The following GRHL1 variants were observed in gnomAD, a reference collection of about 807,000 sequenced individuals.
GRHL1 encodes the protein grainyhead-like protein 1 homolog.
A neutral mutation model predicts 75.7 loss-of-function variants in GRHL1; 38 were observed. The observed-to-expected ratio is 0.50, with a 90% CI of 0.39 to 0.66. The LOEUF (loss-of-function observed/expected upper bound fraction) is 0.66, where lower values mean the gene tolerates loss of function less well. Among genes scored for constraint, GRHL1 ranks in the 30% least tolerant of loss-of-function variants. The probability of loss-of-function intolerance (pLI) is 0.00; values close to 1 mark genes in which losing one functional copy is unlikely to be tolerated. For missense variants in GRHL1, 589 were observed against 767.5 expected, an observed-to-expected ratio of 0.77 and a Z score of 2.75; for synonymous variants, 266 against 279.4, an observed-to-expected ratio of 0.95 and a Z score of 0.48.
At chr2:9,977,740 C>T (rs11902236) in intron 8 of GRHL1, among the ~76,000 whole-genome samples, 54,129 of 152,044 alleles carry the variant, frequency 0.36, 11,825 homozygotes, top group African/African-American at 0.61. Context: ...TCTCACTCCG[C>T]CCTCCGTGTC....
At chr2:9,971,092 G>A (rs571871831) in intron 8 of GRHL1, among the ~76,000 whole-genome samples, 1 of 151,976 alleles carries the variant, frequency 6.6e-6, no homozygotes, top group Non-Finnish European at 1.5e-5. Flanking sequence ...TGGGATGCAG[G>A]TTTATGAGTT....
chr2:9,983,735 T>C (rs1668297466), intron 8 of GRHL1, among the ~76,000 whole-genome samples: 1 of 151,840 alleles, frequency 6.6e-6, no homozygotes, highest in Non-Finnish European at 1.5e-5. Context: ...AATTGAAAAA[T>C]ATATGGTGGT....
chr2:9,984,602 T>C (rs1254263012), intron 8 of GRHL1, among the ~76,000 whole-genome samples: 1 of 151,554 alleles, frequency 6.6e-6, no homozygotes, highest in Non-Finnish European at 1.5e-5. Context: ...ATAACTGATT[T>C]GGAGCCCAGG....
At position 9,996,325 on chromosome 2, in the gene GRHL1, A is replaced by C. The variant is rs775268142; in HGVS notation, c.1601A>C (p.Tyr534Ser). 1.2e-6 allele frequency: 2 copies of C among 1,610,044 alleles called. No homozygotes were observed. The highest frequency in any genetic ancestry group is 1.7e-6 in the Non-Finnish European group (2 of 1,176,554). Residue 534 changes from tyrosine (Y) to serine (S), a missense_variant, in exon 14 of 16, where the codon TAC (tyrosine) becomes TCC (serine). This residue lies in a region of GRHL1 where 192 missense variants were observed against 226.6 expected (regional missense o/e 0.85). Coordinates refer to ENST00000324907, the MANE Select transcript of GRHL1 (RefSeq NM_198182.3). ...RIEEPKRVLL[Y>S]VRKESEEVFD... Reference sequence around the variant, plus strand: ...GTTGGGGATTGATTAGTGCTGCTCTACGTTCGAAAGGAGTCAGAAGAAGTC... The same window carrying C: ...GTTGGGGATTGATTAGTGCTGCTCTCCGTTCGAAAGGAGTCAGAAGAAGTC...
At chr2:9,999,146 T>C (rs1669156344) in intron 15 of GRHL1, 117 bp downstream of exon 15, 2 of 350,028 alleles carry the variant, frequency 5.7e-6, no homozygotes, top group South Asian at 1.2e-4. Flanking sequence ...ACACCGTGCA[T>C]GCTAGTGACA....
At chr2:9,988,431 C>T (rs1668514047) in intron 9 of GRHL1, among the ~76,000 whole-genome samples, 1 of 152,190 alleles carries the variant, frequency 6.6e-6, no homozygotes, top group Admixed American at 6.5e-5. Context: ...GAGTTTCGGG[C>T]ACTGTTTCTC....
At chr2:9,975,649 G>A (rs1157883636) in intron 8 of GRHL1, among the ~76,000 whole-genome samples, 5 of 151,980 alleles carry the variant, frequency 3.3e-5, no homozygotes, top group East Asian at 1.9e-4. Context: ...AGGCCGAGAC[G>A]GGTGTATCAC....
chr2:9,988,327 G>GT (rs201289380), intron 9 of GRHL1, among the ~76,000 whole-genome samples: 4,004 of 152,300 alleles, frequency 0.026, 171 homozygotes, highest in African/African-American at 0.091. Context: ...CTCATTACAA[G>GT]TTTTCTCACA....
chr2:9,985,467 A>G (rs1182966786), intron 8 of GRHL1, among the ~76,000 whole-genome samples: 3 of 152,210 alleles, frequency 2.0e-5, no homozygotes, highest in Non-Finnish European at 4.4e-5. Context: ...ATATTTCCAT[A>G]CCTAGAAAGG....
intron 1 of GRHL1, among the ~76,000 whole-genome samples, chr2:9,954,605 G>A (rs1403814111): frequency 6.6e-6 from 1 of 152,098 alleles, no homozygotes. Context: ...GTTTGTTTAT[G>A]GAAAGTATTT....
intron 1 of GRHL1, among the ~76,000 whole-genome samples, chr2:9,953,224 T>G (rs1210590223): frequency 6.6e-6 from 1 of 152,202 alleles, no homozygotes; most frequent in South Asian, 2.1e-4. Context: ...ATTTGGGATG[T>G]GGGTGGGAGA....
chr2:9,972,915 GGCTCC>G (rs1667791031), intron 8 of GRHL1, among the ~76,000 whole-genome samples: 1 of 151,728 alleles, frequency 6.6e-6, no homozygotes, highest in African/African-American at 2.4e-5. Context: ...CTTTTTCCCT[GGCTCC>G]CTGCACTCCA....
At chr2:9,961,874 G>A (rs1044904773) in intron 4 of GRHL1, among the ~76,000 whole-genome samples, 3 of 152,138 alleles carry the variant, frequency 2.0e-5, no homozygotes, top group Non-Finnish European at 4.4e-5. Context: ...AATGCATTGT[G>A]TGAGGTTTAC....
At chr2:9,975,630 C>T (rs893093180) in intron 8 of GRHL1, among the ~76,000 whole-genome samples, 5 of 152,002 alleles carry the variant, frequency 3.3e-5, no homozygotes, top group Middle Eastern at 3.4e-3. Flanking sequence ...GTAATCCCAG[C>T]GCTTTGGGAG....
intron 6 of GRHL1, 61 bp downstream of exon 6, chr2:9,964,103 T>C: frequency 6.6e-7 from 1 of 1,512,982 alleles, no homozygotes; most frequent in Non-Finnish European, 9.1e-7. Context: ...CATTTCCAGG[T>C]CTGAAGCAGC....
intron 14 of GRHL1, among the ~76,000 whole-genome samples, chr2:9,997,829 AAAC>A (rs1034188406): frequency 3.3e-5 from 5 of 152,024 alleles, no homozygotes; most frequent in African/African-American, 7.2e-5. Flanking sequence ...AAAAAAAAAA[AAAC>A]AACAAAAAAC....
At chr2:9,998,326 C>A (rs534008207) in intron 14 of GRHL1, among the ~76,000 whole-genome samples, 1 of 150,940 alleles carries the variant, frequency 6.6e-6, no homozygotes, top group African/African-American at 2.4e-5. Flanking sequence ...GAGGGGCAGC[C>A]GGGCTGAGGA....
intron 14 of GRHL1, among the ~76,000 whole-genome samples, chr2:9,998,501 C>T (rs376322613): frequency 1.6e-3 from 11 of 6,876 alleles, no homozygotes; most frequent in Non-Finnish European, 2.1e-3. Context: ...CGTATATATA[C>T]ATATATATAC....
At chr2:9,971,256 C>T (rs1447271444) in intron 8 of GRHL1, among the ~76,000 whole-genome samples, 2 of 152,084 alleles carry the variant, frequency 1.3e-5, no homozygotes, top group Non-Finnish European at 2.9e-5. Context: ...GGTGTTGCCA[C>T]GTGTGGTTCC....
Sources: gnomAD v4.1 joint callset for allele counts (sites outside exome capture counted in the v4.1 genomes callset) on GRCh38, gnomAD v4.1.1 for gene constraint, gnomAD v4.1.1 regional missense constraint, MANE v1.5 for transcripts, NCBI Gene and HGNC (gene_info 2026-07-23, HGNC 2026-07-21) for gene names.